The following PHACTR1 variants were observed in gnomAD, a reference collection of about 807,000 sequenced individuals.
PHACTR1 encodes phosphatase and actin regulator 1.
Under a neutral mutation model 69.2 loss-of-function variants are expected in PHACTR1, and 16 were observed. The observed-to-expected ratio is 0.23, with a 90% CI of 0.16 to 0.35. The LOEUF (loss-of-function observed/expected upper bound fraction) is 0.35. PHACTR1 is among the 10% of genes least tolerant of loss of function. PHACTR1 has a pLI of 1.00. For missense variants in PHACTR1, 510 were observed against 734.7 expected, an observed-to-expected ratio of 0.69 and a Z score of 3.54; for synonymous variants, 312 against 284.5, an observed-to-expected ratio of 1.10 and a Z score of -0.97.
At chr6:12,884,683 A>G (rs571783202) in intron 4 of PHACTR1, among the ~76,000 whole-genome samples, 13 of 152,238 alleles carry the variant, frequency 8.5e-5, no homozygotes, top group South Asian at 6.2e-4. Context: ...TTACAGGCGT[A>G]AGCCACCGCG....
At chr6:13,226,557 T>C (rs1308103605) in intron 8 of PHACTR1, among the ~76,000 whole-genome samples, 1 of 152,164 alleles carries the variant, frequency 6.6e-6, no homozygotes, top group East Asian at 1.9e-4. Context: ...TGAAAAAGAA[T>C]TATAAAATTT....
At chr6:13,212,516 T>C (rs1436927723) in intron 8 of PHACTR1, among the ~76,000 whole-genome samples, 1 of 152,170 alleles carries the variant, frequency 6.6e-6, no homozygotes, top group African/African-American at 2.4e-5. Context: ...TATGTGTTTC[T>C]CTCTATATTC....
intron 4 of PHACTR1, among the ~76,000 whole-genome samples, chr6:12,893,400 C>T (rs1409752612): frequency 6.6e-6 from 1 of 152,210 alleles, no homozygotes; most frequent in Non-Finnish European, 1.5e-5. Context: ...CATCCATCAA[C>T]AATTTTTTTA....
chr6:13,254,380 C>T (rs762469759), intron 10 of PHACTR1, among the ~76,000 whole-genome samples: 1 of 151,956 alleles, frequency 6.6e-6, no homozygotes, highest in Non-Finnish European at 1.5e-5. Context: ...TGGCTTAGTC[C>T]TCTTAGTTGG....
intron 11 of PHACTR1, chr6:13,274,517 C>A (rs145133759): frequency 2.6e-5 from 4 of 152,152 alleles, no homozygotes; most frequent in Admixed American, 2.6e-4. Context: ...ACTCACAGCC[C>A]GCTGCTGTAC....
intron 5 of PHACTR1, among the ~76,000 whole-genome samples, chr6:13,159,146 C>T (rs1297377602): frequency 6.6e-6 from 1 of 152,184 alleles, no homozygotes; most frequent in Non-Finnish European, 1.5e-5. Context: ...TTACCTCTTC[C>T]TTCCTCCAGC....
chr6:12,823,487 G>C (rs779410556), intron 4 of PHACTR1, among the ~76,000 whole-genome samples: 3 of 152,142 alleles, frequency 2.0e-5, no homozygotes, highest in Non-Finnish European at 2.9e-5. Context: ...CAAAATTAAA[G>C]GCTAACTGTA....
intron 5 of PHACTR1, among the ~76,000 whole-genome samples, chr6:13,143,935 G>T (rs540082470): frequency 6.6e-6 from 1 of 152,224 alleles, no homozygotes; most frequent in Admixed American, 6.5e-5. Flanking sequence ...TATTTATACT[G>T]TTAGCAGAAT....
At chr6:12,824,793 T>C (rs1369552705) in intron 4 of PHACTR1, among the ~76,000 whole-genome samples, 1 of 152,150 alleles carries the variant, frequency 6.6e-6, no homozygotes, top group Non-Finnish European at 1.5e-5. Context: ...GTTCTGTCCA[T>C]GTATGTTTCA....
At chr6:13,094,174 C>T (rs1401230935) in intron 5 of PHACTR1, among the ~76,000 whole-genome samples, 3 of 152,140 alleles carry the variant, frequency 2.0e-5, no homozygotes, top group South Asian at 2.1e-4. Context: ...AGCCACCACA[C>T]ATGGCCAGCT....
intron 5 of PHACTR1, among the ~76,000 whole-genome samples, chr6:13,117,437 C>T (rs1817977038): frequency 6.6e-6 from 1 of 152,134 alleles, no homozygotes; most frequent in African/African-American, 2.4e-5. Context: ...TCTCAGTGGA[C>T]TATTAATAAG....
intron 4 of PHACTR1, among the ~76,000 whole-genome samples, chr6:13,009,125 G>T (rs1253613860): frequency 1.3e-5 from 2 of 152,108 alleles, no homozygotes; most frequent in Non-Finnish European, 2.9e-5. Context: ...TCCTCTGTGT[G>T]CCTTTTATAA....
chr6:13,244,722 T>C (rs894527094), intron 10 of PHACTR1, among the ~76,000 whole-genome samples: 2 of 152,238 alleles, frequency 1.3e-5, no homozygotes, highest in African/African-American at 4.8e-5. Flanking sequence ...ACAATTGCTG[T>C]TATCCTGTTC....
intron 4 of PHACTR1, among the ~76,000 whole-genome samples, chr6:13,022,760 G>A (rs1426803461): frequency 6.6e-6 from 1 of 152,102 alleles, no homozygotes; most frequent in Admixed American, 6.6e-5. Context: ...GCTCACACCT[G>A]TAATCCAGCA....
At chr6:12,784,686 G>T (rs141924872) in intron 4 of PHACTR1, among the ~76,000 whole-genome samples, 1 of 151,084 alleles carries the variant, frequency 6.6e-6, no homozygotes, top group African/African-American at 2.4e-5. Flanking sequence ...ACATCCACAC[G>T]TGTATATATA....
chr6:12,944,568 G>A (rs1790398680), intron 4 of PHACTR1, among the ~76,000 whole-genome samples: 1 of 152,092 alleles, frequency 6.6e-6, no homozygotes, highest in Admixed American at 6.6e-5. Context: ...TGGGAAGTGG[G>A]TATGTGTGTA....
At chr6:13,012,344 G>A (rs1310334742) in intron 4 of PHACTR1, among the ~76,000 whole-genome samples, 2 of 152,310 alleles carry the variant, frequency 1.3e-5, no homozygotes, top group Non-Finnish European at 2.9e-5. Flanking sequence ...CCAGTTGGAG[G>A]AGAGACTAGC....
intron 8 of PHACTR1, among the ~76,000 whole-genome samples, chr6:13,209,408 AG>A (rs1187173601): frequency 1.3e-5 from 2 of 152,166 alleles, no homozygotes; most frequent in African/African-American, 4.8e-5. Context: ...AAGAAGGGAG[AG>A]GCATTACCAA....
At chr6:12,752,974 CACAA>C (rs1251004615) in intron 4 of PHACTR1, among the ~76,000 whole-genome samples, 1 of 152,170 alleles carries the variant, frequency 6.6e-6, no homozygotes, top group Non-Finnish European at 1.5e-5. Flanking sequence ...ATTTAGTAGA[CACAA>C]ACATTGATAG....
Sources: allele counts gnomAD v4.1 joint callset (sites outside exome capture counted in the v4.1 genomes callset), GRCh38; gene constraint gnomAD v4.1.1; transcripts MANE v1.5; gene names NCBI Gene and HGNC (gene_info 2026-07-23, HGNC 2026-07-21).